RIT2: variants seen among roughly 807,000 people sequenced by gnomAD.
RIT2 encodes Ras like without CAAX 2.
A neutral mutation model predicts 23.7 loss-of-function variants in RIT2; 24 were observed. The observed-to-expected ratio is 1.01, with a 90% CI of 0.73 to 1.43. RIT2 has a LOEUF of 1.43. Ranked by LOEUF, RIT2 falls within the 40% of genes most tolerant of loss-of-function variation. RIT2 has a pLI of 0.00. For missense variants in RIT2, 236 were observed against 266.9 expected, an observed-to-expected ratio of 0.88 and a Z score of 0.81; for synonymous variants, 107 against 91.1, an observed-to-expected ratio of 1.17 and a Z score of -0.99.
chr18:42,927,369 GGTGTGT>G (rs60819423), intron 3 of RIT2, among the ~76,000 whole-genome samples: 26,734 of 147,778 alleles, frequency 0.18, 3,033 homozygotes, highest in East Asian at 0.59. Context: ...ATGTGGATGT[GGTGTGT>G]GTGTGTGTGT....
chr18:42,756,675 A>G (rs964429949), intron 4 of RIT2, among the ~76,000 whole-genome samples: 1 of 152,168 alleles, frequency 6.6e-6, no homozygotes, highest in Non-Finnish European at 1.5e-5. Context: ...ACATACATGT[A>G]TGTGCATGCC....
At chr18:43,021,883 G>A (rs1568058228) in intron 2 of RIT2, among the ~76,000 whole-genome samples, 3 of 151,962 alleles carry the variant, frequency 2.0e-5, no homozygotes, top group Non-Finnish European at 4.4e-5. Context: ...CAACCATTAT[G>A]GAAAACAGTA....
chr18:43,107,424 C>T (rs915256829), intron 1 of RIT2, among the ~76,000 whole-genome samples: 4 of 152,020 alleles, frequency 2.6e-5, no homozygotes, highest in South Asian at 2.1e-4. Flanking sequence ...GGCGTGCACG[C>T]GTGCGTGCAC....
intron 4 of RIT2, among the ~76,000 whole-genome samples, chr18:42,892,655 T>C (rs2144095945): frequency 6.6e-6 from 1 of 152,338 alleles, no homozygotes; most frequent in East Asian, 1.9e-4. Context: ...AAAGCAGCTT[T>C]AGGATCATGT....
chr18:43,077,035 G>A (rs1024062282), intron 1 of RIT2, among the ~76,000 whole-genome samples: 1 of 147,158 alleles, frequency 6.8e-6, no homozygotes, highest in Non-Finnish European at 1.5e-5. Context: ...CCCGGGAGGC[G>A]GAGCTTGCAG....
At chr18:43,030,758 T>C (rs572315304) in intron 2 of RIT2, among the ~76,000 whole-genome samples, 2 of 152,198 alleles carry the variant, frequency 1.3e-5, no homozygotes, top group East Asian at 3.9e-4. Flanking sequence ...GAAGTTTAAA[T>C]AGGTATCATG....
At chr18:42,957,934 G>C (rs1043817336) in intron 3 of RIT2, among the ~76,000 whole-genome samples, 6 of 152,158 alleles carry the variant, frequency 3.9e-5, no homozygotes, top group Non-Finnish European at 7.3e-5. Flanking sequence ...AGGTATAGCA[G>C]AGTGCAATCT....
At chr18:42,953,685 G>A (rs894575378) in intron 3 of RIT2, among the ~76,000 whole-genome samples, 2 of 152,162 alleles carry the variant, frequency 1.3e-5, no homozygotes, top group African/African-American at 4.8e-5. Context: ...TAAAGCTTGG[G>A]ATATTTCCCA....
intron 4 of RIT2, among the ~76,000 whole-genome samples, chr18:42,811,539 A>G (rs1905849314): frequency 6.6e-6 from 1 of 152,122 alleles, no homozygotes; most frequent in South Asian, 2.1e-4. Flanking sequence ...TGAACTCCAT[A>G]TTTAGCTTCC....
chr18:42,998,720 G>C (rs1448696590), intron 2 of RIT2, among the ~76,000 whole-genome samples: 1 of 152,000 alleles, frequency 6.6e-6, no homozygotes, highest in Admixed American at 6.6e-5. Context: ...ATCATGTATA[G>C]CCAGACTGGG....
At chr18:43,100,302 C>G (rs1448494442) in intron 1 of RIT2, among the ~76,000 whole-genome samples, 1 of 152,010 alleles carries the variant, frequency 6.6e-6, no homozygotes, top group Non-Finnish European at 1.5e-5. Flanking sequence ...CACAAAGACC[C>G]TAAAAGGGAA....
chr18:43,036,694 G>T (rs549397061), intron 1 of RIT2, among the ~76,000 whole-genome samples: 1 of 152,104 alleles, frequency 6.6e-6, no homozygotes, highest in Non-Finnish European at 1.5e-5. Flanking sequence ...CTGACCCACC[G>T]CTGAGACAGA....
At chr18:42,958,606 G>A (rs1237872847) in intron 3 of RIT2, among the ~76,000 whole-genome samples, 1 of 152,100 alleles carries the variant, frequency 6.6e-6, no homozygotes, top group Non-Finnish European at 1.5e-5. Flanking sequence ...GCAAAAGAAT[G>A]ATAAAATATA....
chr18:42,817,422 T>G (rs765324691), intron 4 of RIT2, among the ~76,000 whole-genome samples: 59 of 152,178 alleles, frequency 3.9e-4, no homozygotes, highest in Non-Finnish European at 7.1e-4. Context: ...TTTGAATAAT[T>G]AATTGGATAA....
chr18:42,879,895 G>A (rs945317489), intron 4 of RIT2, among the ~76,000 whole-genome samples: 1 of 152,080 alleles, frequency 6.6e-6, no homozygotes, highest in Non-Finnish European at 1.5e-5. Context: ...GTATTTATAG[G>A]TATTACATGC....
chr18:42,946,499 T>A (rs1909730501), intron 3 of RIT2, among the ~76,000 whole-genome samples: 1 of 152,074 alleles, frequency 6.6e-6, no homozygotes, highest in South Asian at 2.1e-4. Flanking sequence ...GGTATATTTT[T>A]AAAATATTCT....
chr18:42,959,925 G>C (rs1910058139), intron 3 of RIT2, among the ~76,000 whole-genome samples: 1 of 152,184 alleles, frequency 6.6e-6, no homozygotes, highest in Admixed American at 6.5e-5. Flanking sequence ...AGTAAACGTA[G>C]TATGGGTAAA....
At chr18:42,923,266 A>G (rs1909097468) in intron 4 of RIT2, 1 of 233,408 alleles carries the variant, frequency 4.3e-6, no homozygotes, top group Non-Finnish European at 8.3e-6. Flanking sequence ...GCAATGGCAG[A>G]AACTGCAGAA....
intron 2 of RIT2, among the ~76,000 whole-genome samples, chr18:43,005,393 C>A (rs1017718728): frequency 6.6e-6 from 1 of 151,892 alleles, no homozygotes; most frequent in East Asian, 2.0e-4. Context: ...ACACTTTTAT[C>A]ATCTCTGAGA....
Sources: allele counts gnomAD v4.1 joint callset (sites outside exome capture counted in the v4.1 genomes callset), GRCh38; gene constraint gnomAD v4.1.1; transcripts MANE v1.5; gene names NCBI Gene and HGNC (gene_info 2026-07-23, HGNC 2026-07-21).